Variants in BICD1 observed in about 807,000 individuals in gnomAD.
BICD1 encodes BICD cargo adaptor 1.
BICD1 carries 35 observed loss-of-function variants against 92.5 expected under a neutral mutation model. The observed-to-expected ratio is 0.38, with a 90% CI of 0.29 to 0.50. The LOEUF (loss-of-function observed/expected upper bound fraction) is 0.50, where lower values mean the gene tolerates loss of function less well. Among genes scored for constraint, BICD1 ranks in the 20% least tolerant of loss-of-function variants. The pLI, the probability that BICD1 is intolerant of heterozygous loss-of-function variation, is 0.93. For missense variants in BICD1, 950 were observed against 1,189.8 expected (o/e 0.80, Z 2.97); for synonymous variants, 429 against 465.1 (o/e 0.92, Z 1.00).
chr12:32,235,067 G>T (rs912529531), intron 2 of BICD1, among the ~76,000 whole-genome samples: 6 of 152,114 alleles, frequency 3.9e-5, no homozygotes, highest in African/African-American at 1.2e-4. Context: ...ATAAAAATTT[G>T]TTTCCTGATA....
intron 3 of BICD1, among the ~76,000 whole-genome samples, chr12:32,297,582 C>G (rs1177490109): frequency 2.0e-5 from 3 of 152,174 alleles, no homozygotes; most frequent in Non-Finnish European, 4.4e-5. Context: ...CATTCGGTCA[C>G]AAAATTGGAC....
chr12:32,339,318 T>C, intron 8 of BICD1: 2 of 1,022,616 alleles, frequency 2.0e-6, no homozygotes, highest in Non-Finnish European at 2.3e-6. Flanking sequence ...TGGTCAGATT[T>C]GGCCAGTTCT....
Position 32,281,093 on chromosome 12 carries a change from G to T in BICD1, c.427-12901G>T, listed in dbSNP as rs148433593. Among the ~76,000 whole-genome samples, 76 of 152,170 alleles carry T rather than the reference G, an allele frequency of 5.0e-4. 2 individuals are homozygous for T. Among genetic ancestry groups the T allele is most frequent in the Non-Finnish European group, 2.9e-4 (20 of 67,994 alleles). The stretch of plus-strand genomic sequence containing the variant: ...TTTTAGTGACTCACAGAAACACTCC[G>T]TAGAACTAGCCTCTGCAGAACACCC... On this transcript the variant is annotated intron_variant, in intron 2 of 9. Coordinates refer to ENST00000652176, the MANE Select transcript of BICD1 (RefSeq NM_001714.4).
At chr12:32,134,115 A>G (rs944214375) in intron 1 of BICD1, among the ~76,000 whole-genome samples, 1 of 152,136 alleles carries the variant, frequency 6.6e-6, no homozygotes, top group Non-Finnish European at 1.5e-5. Flanking sequence ...AGTTAAAATA[A>G]TTATTTATAG....
At chr12:32,266,338 AAT>A (rs1230719203) in intron 2 of BICD1, among the ~76,000 whole-genome samples, 8 of 152,212 alleles carry the variant, frequency 5.3e-5, no homozygotes, top group African/African-American at 1.9e-4. Context: ...GGTCATTGTC[AAT>A]TATGTAACAG....
rs1260499144 is a variant in BICD1 at position 32,107,863 on chromosome 12, C to T, written c.213+319C>T. 6.4e-6 allele frequency: 4 copies of T among 620,990 alleles called. No individual in the cohort carries two copies. The East Asian group carries it at 1.1e-4, about 17-fold the overall frequency. The allele number at this position is 620,990 out of a possible 1,614,324, so 38.5% of individuals were successfully genotyped here. Reference sequence around the variant, plus strand: ...GGGTTGGAATGTATAAATCAAACTTCTCAAAACCGCTGTTATCTCAAACCC... The same window carrying T: ...GGGTTGGAATGTATAAATCAAACTTTTCAAAACCGCTGTTATCTCAAACCC... On this transcript the variant is annotated intron_variant, in intron 1 of 9. Transcript: ENST00000652176.
intron 8 of BICD1, among the ~76,000 whole-genome samples, chr12:32,351,699 T>C (rs1160526485): frequency 6.6e-6 from 1 of 150,724 alleles, no homozygotes; most frequent in East Asian, 2.0e-4. Flanking sequence ...GGTCAGGAGT[T>C]CAAGACCAGC....
At chr12:32,249,690 T>TC (rs540485329) in intron 2 of BICD1, among the ~76,000 whole-genome samples, 18 of 60,626 alleles carry the variant, frequency 3.0e-4, no homozygotes, top group African/African-American at 3.9e-4. Context: ...TCTCTCTCTC[T>TC]TTTTTTTTTT....
intron 1 of BICD1, among the ~76,000 whole-genome samples, chr12:32,156,621 C>T (rs1255897567): frequency 2.0e-5 from 3 of 152,152 alleles, no homozygotes; most frequent in African/African-American, 7.2e-5. Context: ...GCTTTTTGGT[C>T]TTCTGGGCTC....
chr12:32,107,954 C>T, intron 1 of BICD1: 1 of 497,394 alleles, frequency 2.0e-6, no homozygotes, highest in East Asian at 3.8e-5. Flanking sequence ...CCCACAATTT[C>T]AGGATTTAGA....
intron 2 of BICD1, among the ~76,000 whole-genome samples, chr12:32,240,524 A>G (rs946253072): frequency 1.3e-5 from 2 of 152,176 alleles, no homozygotes; most frequent in Non-Finnish European, 2.9e-5. Flanking sequence ...TCTTCTGTCA[A>G]GTCTCCCTCT....
rs1491104946 is a variant in BICD1, at chr12:32,117,759, T to TATA, written c.213+10215_213+10216insATA. Among the ~76,000 whole-genome samples, 9 of 71,698 alleles carry TATA rather than the reference T, an allele frequency of 1.3e-4. No homozygotes were observed. The Admixed American group carries it at 1.3e-3, about 11-fold the overall frequency. The allele number at this position is 71,698 out of a possible 152,430, so 47.0% of individuals were successfully genotyped here. A position where few individuals can be genotyped will look rare whatever the true frequency, so the allele number is the denominator to read the frequency against. On this transcript the variant is annotated intron_variant, in intron 1 of 9. Coordinates refer to ENST00000652176, the MANE Select transcript of BICD1 (RefSeq NM_001714.4). Reference sequence around the variant, plus strand: ...ACATATATATATATATATATATATATTTTTTTTTAAGACCATATTTCGCTC... The same window carrying TATA: ...ACATATATATATATATATATATATATATATTTTTTTTAAGACCATATTTCGCTC...
Position 32,182,278 on chromosome 12 carries a change from C to CTTTTTTTTTTTTTTTT in BICD1, c.214-33962_214-33947dup, listed in dbSNP as rs759328721. On this transcript the variant is annotated intron_variant, in intron 1 of 9. Coordinates refer to ENST00000652176, the MANE Select transcript of BICD1 (RefSeq NM_001714.4). ...TTCTTTTTTCTTTCTTTCTTTCTTTCTTTTTTTTTTTTTTTTTTTTTTGAG... is the reference window on the plus strand; with the variant it reads ...TTCTTTTTTCTTTCTTTCTTTCTTTCTTTTTTTTTTTTTTTTTTTTTTTTTTTTTTTTTTTTTTGAG... Among the ~76,000 whole-genome samples, 92 of 81,412 alleles carry CTTTTTTTTTTTTTTTT rather than the reference C, an allele frequency of 1.1e-3. 3 individuals are homozygous for CTTTTTTTTTTTTTTTT. The highest frequency in any genetic ancestry group is 2.1e-3 in the African/African-American group (50 of 23,296). 53.4% of individuals were successfully genotyped at this position (81,412 alleles called of 152,430 possible).
At chr12:32,285,527 A>G (rs1421296115) in intron 2 of BICD1, among the ~76,000 whole-genome samples, 1 of 152,096 alleles carries the variant, frequency 6.6e-6, no homozygotes, top group Non-Finnish European at 1.5e-5. Context: ...GTTCATCTGT[A>G]TTTTTTCTTC....
rs77766066 is a variant in BICD1 at position 32,279,577 on chromosome 12, T to C, written c.427-14417T>C. ...AGAAGACAAGTCATTTATGATTTAT[T>C]TTGCACCATTTATTTCAACTGTTTA... On this transcript the variant is annotated intron_variant, in intron 2 of 9. Coordinates refer to ENST00000652176, the MANE Select transcript of BICD1 (RefSeq NM_001714.4). Among the ~76,000 whole-genome samples the C allele has an allele frequency of 9.8e-3, 1,492 of 152,340 alleles. 33 individuals carry two copies. The highest frequency in any genetic ancestry group is 0.034 in the African/African-American group (1,403 of 41,566).
At position 32,110,786 on chromosome 12, in the gene BICD1, A is replaced by G. The variant is rs1056985823; in HGVS notation, c.213+3242A>G. 2.0e-4 allele frequency among the ~76,000 whole-genome samples: 29 copies of G among 143,532 alleles called. 1 individual carries two copies. In the South Asian group the frequency reaches 4.7e-3, roughly 23 times the overall value. The allele number at this position is 143,532 out of a possible 152,430, so 94.2% of individuals were successfully genotyped here. On this transcript the variant is annotated intron_variant, in intron 1 of 9. Coordinates refer to ENST00000652176, the MANE Select transcript of BICD1 (RefSeq NM_001714.4). Reference sequence around the variant, plus strand: ...CTCACTCATAGATGGGAATTGAACAATGAGAACACATGGACACAGGAAGGG... The same window carrying G: ...CTCACTCATAGATGGGAATTGAACAGTGAGAACACATGGACACAGGAAGGG...
intron 4 of BICD1, among the ~76,000 whole-genome samples, chr12:32,324,320 ACTTCAGCCTGGTGACAGAG>A (rs1948723517): frequency 6.8e-6 from 1 of 148,042 alleles, no homozygotes; most frequent in Non-Finnish European, 1.5e-5. Context: ...ACACCACTGC[ACTTCAGCCTGGTGACAGAG>A]CTAGACTCCA....
intron 9 of BICD1, among the ~76,000 whole-genome samples, chr12:32,368,660 A>T (rs1565701105): frequency 6.6e-6 from 1 of 152,152 alleles, no homozygotes; most frequent in Non-Finnish European, 1.5e-5. Context: ...GTGCCACTGC[A>T]CTCCAGCCTA....
At chr12:32,317,300 C>G (rs1466076881) in intron 4 of BICD1, among the ~76,000 whole-genome samples, 1 of 152,156 alleles carries the variant, frequency 6.6e-6, no homozygotes, top group African/African-American at 2.4e-5. Flanking sequence ...CCACAATGGT[C>G]GAACTAGTTT....
Sources: allele counts gnomAD v4.1 joint callset (sites outside exome capture counted in the v4.1 genomes callset), GRCh38; gene constraint gnomAD v4.1.1; transcripts MANE v1.5; gene names NCBI Gene and HGNC (gene_info 2026-07-23, HGNC 2026-07-21).